Variants in CELF2 observed in about 807,000 individuals in gnomAD.
CELF2 encodes CUGBP Elav-like family member 2, also known as CUG triplet repeat RNA-binding protein 2.
A neutral mutation model predicts 62.6 loss-of-function variants in CELF2; 8 were observed. The ratio of observed to expected loss-of-function variants is 0.13; its 90% CI spans 0.07 to 0.23. The LOEUF (loss-of-function observed/expected upper bound fraction) is 0.23, where lower values mean the gene tolerates loss of function less well. CELF2 is among the 10% of genes least tolerant of loss of function. The pLI is 1.00. For missense variants in CELF2, 333 were observed against 671.0 expected (o/e 0.50, Z 5.56); for synonymous variants, 258 against 250.0 (o/e 1.03, Z -0.30).
the CELF2 span, among the ~76,000 whole-genome samples, chr10:10,775,244 C>G: frequency 2.6e-5 from 4 of 152,128 alleles, no homozygotes; most frequent in Non-Finnish European, 2.9e-5. Context: ...GGGAAAGGAA[C>G]AGCCACTGCA....
At chr10:10,689,894 C>A in the CELF2 span, among the ~76,000 whole-genome samples, 33 of 152,246 alleles carry the variant, frequency 2.2e-4, no homozygotes, top group Non-Finnish European at 4.7e-4. Context: ...ACATGAAATC[C>A]CACAGGAAGT....
the CELF2 span, among the ~76,000 whole-genome samples, chr10:10,699,444 A>C: frequency 1.3e-5 from 2 of 152,248 alleles, no homozygotes; most frequent in Non-Finnish European, 2.9e-5. Flanking sequence ...AGAGATGGAT[A>C]CTTAGACAGT....
At position 11,334,338 on chromosome 10, in the gene CELF2, T is replaced by A. The variant is rs2096081084; in HGVS notation, c.*5285T>A. The A allele has an allele frequency of 6.5e-6, 1 of 152,702 alleles. No homozygotes were observed. The highest frequency in any genetic ancestry group is 2.4e-5 in the African/African-American group (1 of 41,474). The allele number at this position is 152,702 out of a possible 1,614,324, so 9.5% of individuals were successfully genotyped here. A position where few individuals can be genotyped will look rare whatever the true frequency, so the allele number is the denominator to read the frequency against. On this transcript the variant is annotated 3_prime_UTR_variant, in exon 13 of 13. Transcript: ENST00000633077. ...TGCAGTTTTTTGCTTCTGTCTCCAA[T>A]ATTAAACCATTTTCCTAATACTTGT...
chr10:11,281,532 G>A (rs2088757265), intron 8 of CELF2, among the ~76,000 whole-genome samples: 1 of 152,174 alleles, frequency 6.6e-6, no homozygotes, highest in South Asian at 2.1e-4. Flanking sequence ...GGCAGAAGCA[G>A]GCAAGGATCA....
chr10:10,626,970 T>C, the CELF2 span, among the ~76,000 whole-genome samples: 1 of 152,178 alleles, frequency 6.6e-6, no homozygotes, highest in East Asian at 1.9e-4. Flanking sequence ...TAAGGACACA[T>C]TGTCGGAGAA....
chr10:10,626,776 C>A, the CELF2 span, among the ~76,000 whole-genome samples: 12 of 152,120 alleles, frequency 7.9e-5, no homozygotes, highest in African/African-American at 2.7e-4. Flanking sequence ...ATTTTGGAGT[C>A]GTCAAATCCT....
chr10:10,845,814 T>C (rs1564708832), intron 1 of CELF2, among the ~76,000 whole-genome samples: 1 of 152,170 alleles, frequency 6.6e-6, no homozygotes, highest in Non-Finnish European at 1.5e-5. Flanking sequence ...TGGAATGCCC[T>C]CTTTCAATTC....
Position 11,058,330 on chromosome 10 carries a change from C to G in CELF2, c.74+40167C>G, listed in dbSNP as rs549398329. On this transcript the variant is annotated intron_variant, in intron 1 of 12. Transcript: ENST00000633077. ...AAAAGGCTGATTTTAAGGAGTTACA[C>G]TATATTTGCATCCCACTTCACTTCT... Among the ~76,000 whole-genome samples the G allele has an allele frequency of 2.6e-5, 4 of 152,282 alleles. No individual in the cohort carries two copies. In the South Asian group the frequency reaches 6.2e-4, roughly 24 times the overall value.
the CELF2 span, among the ~76,000 whole-genome samples, chr10:10,727,781 A>G: frequency 6.6e-6 from 1 of 152,060 alleles, no homozygotes; most frequent in Admixed American, 6.5e-5. Context: ...GTCTCAAAAA[A>G]AAAAAAAGAA....
intron 1 of CELF2, among the ~76,000 whole-genome samples, chr10:11,037,129 A>G (rs1278580608): frequency 1.3e-5 from 2 of 152,300 alleles, no homozygotes; most frequent in East Asian, 3.9e-4. Context: ...GGTTTAATGG[A>G]CTCACAGTTC....
At chr10:10,634,755 G>A in the CELF2 span, among the ~76,000 whole-genome samples, 67,437 of 150,152 alleles carry the variant, frequency 0.45, 15,563 homozygotes, top group South Asian at 0.71. Flanking sequence ...TCCACCTCCC[G>A]GGTTCAAGCG....
At chr10:11,171,212 C>G (rs1232714681) in intron 2 of CELF2, 1 of 152,206 alleles carries the variant, frequency 6.6e-6, no homozygotes. Context: ...CCAGAGCTTT[C>G]TGGATGGATC....
the CELF2 span, among the ~76,000 whole-genome samples, chr10:10,503,374 T>C: frequency 2.0e-5 from 3 of 152,112 alleles, no homozygotes; most frequent in South Asian, 6.2e-4. Context: ...TTTTCAGTTC[T>C]AATTTTTGCT....
At chr10:10,485,081 T>C in the CELF2 span, among the ~76,000 whole-genome samples, 1 of 152,192 alleles carries the variant, frequency 6.6e-6, no homozygotes, top group East Asian at 1.9e-4. Context: ...AATATTTTTT[T>C]ACATGATCTG....
At chr10:10,857,990 T>G (rs1282620228) in intron 1 of CELF2, among the ~76,000 whole-genome samples, 2 of 151,554 alleles carry the variant, frequency 1.3e-5, no homozygotes, top group Non-Finnish European at 2.9e-5. Context: ...TGACTATCAA[T>G]GAATAGAAAT....
At position 11,247,414 on chromosome 10, in the gene CELF2, G is replaced by A. The variant is rs1053761947; in HGVS notation, c.355-1739G>A. ...GCCGGCCCCCCTTCAGTGCTCGCAC[G>A]TCCAAGGACTCGGCCCAGATGCAGC... On this transcript the variant is annotated intron_variant, in intron 3 of 12. Transcript: ENST00000633077. The surrounding 1 kb of genome is among the most constrained non-coding windows in gnomAD (Gnocchi z 5.4). Among the ~76,000 whole-genome samples, 8 of 152,186 alleles carry A rather than the reference G, an allele frequency of 5.3e-5. No homozygotes were observed. The highest frequency in any genetic ancestry group is 1.9e-4 in the East Asian group (1 of 5,186).
At chr10:10,656,965 A>C in the CELF2 span, among the ~76,000 whole-genome samples, 3 of 151,948 alleles carry the variant, frequency 2.0e-5, no homozygotes, top group Non-Finnish European at 4.4e-5. Flanking sequence ...AAACTTACAC[A>C]TTAATGTTAA....
rs575743451 is a variant in CELF2 at position 10,807,793 on chromosome 10, A to T, written c.53+8976A>T. On this transcript the variant is annotated intron_variant, in intron 1 of 13. Coordinates refer to the CELF2 transcript ENST00000636488. ...ACCAAGTCCAATATATTAAATAATT[A>T]ATTTTGTTCTGCTTGATCTTGAGTT... Among the ~76,000 whole-genome samples, 20 of 152,314 alleles carry T rather than the reference A, an allele frequency of 1.3e-4. 1 individual carries two copies. In the South Asian group the frequency reaches 4.1e-3, roughly 32 times the overall value.
the CELF2 span, among the ~76,000 whole-genome samples, chr10:10,761,030 G>A: frequency 6.6e-6 from 1 of 152,260 alleles, no homozygotes; most frequent in South Asian, 2.1e-4. Flanking sequence ...ATGGAGCATA[G>A]ATATGGTATT....
Sources: gnomAD v4.1 joint callset for allele counts (sites outside exome capture counted in the v4.1 genomes callset) on GRCh38, gnomAD v4.1.1 for gene constraint, Gnocchi (gnomAD v3.1) non-coding constraint, MANE v1.5 for transcripts, NCBI Gene and HGNC (gene_info 2026-07-23, HGNC 2026-07-21) for gene names.